PUM1: variants seen among roughly 807,000 people sequenced by gnomAD.
PUM1 encodes the protein pumilio RNA binding family member 1.
PUM1 carries 13 observed loss-of-function variants against 131.8 expected under a neutral mutation model. That is an observed-to-expected ratio of 0.10 (90% CI 0.06 to 0.16). PUM1 has a LOEUF of 0.16. PUM1 is among the 10% of genes least tolerant of loss of function. The pLI, the probability that PUM1 is intolerant of heterozygous loss-of-function variation, is 1.00. For missense variants in PUM1, 961 were observed against 1,512.4 expected (o/e 0.64, Z 6.05); for synonymous variants, 509 against 556.5 (o/e 0.91, Z 1.20).
intron 5 of PUM1, among the ~76,000 whole-genome samples, chr1:30,996,679 C>A (rs188832288): frequency 7.9e-4 from 121 of 152,298 alleles, no homozygotes; most frequent in African/African-American, 2.8e-3. Context: ...AGAATAGAAT[C>A]TTTAAAGTAT....
chr1:31,023,924 CAAAAAA>C (rs11373685), intron 3 of PUM1, among the ~76,000 whole-genome samples: 1 of 82,146 alleles, frequency 1.2e-5, no homozygotes, highest in Non-Finnish European at 2.6e-5. Flanking sequence ...GACTCTGTCT[CAAAAAA>C]AAAAAAAAAA....
chr1:30,989,757 C>A (rs977738580), intron 7 of PUM1, among the ~76,000 whole-genome samples: 5 of 151,890 alleles, frequency 3.3e-5, no homozygotes, highest in Non-Finnish European at 4.4e-5. Context: ...CAATGACTAA[C>A]CTGAGAGCAA....
intron 2 of PUM1, chr1:31,050,904 G>A (rs1289866633): frequency 3.5e-5 from 9 of 256,004 alleles, no homozygotes; most frequent in South Asian, 8.9e-5. Flanking sequence ...GGAGCCACTC[G>A]CAAAAATTCA....
At chr1:31,017,435 G>A (rs756061107) in intron 3 of PUM1, among the ~76,000 whole-genome samples, 3 of 152,126 alleles carry the variant, frequency 2.0e-5, no homozygotes, top group Non-Finnish European at 2.9e-5. Context: ...TGTCCAACCC[G>A]CAGCCCAGAA....
intron 1 of PUM1, 66 bp from the exon 2 acceptor site, chr1:31,059,643 A>G (rs1644323891): frequency 6.7e-7 from 1 of 1,494,944 alleles, no homozygotes; most frequent in Non-Finnish European, 9.0e-7. Context: ...ACACTAAGAT[A>G]AAAACATGAA....
At chr1:30,974,582 A>G in intron 10 of PUM1, 69 bp downstream of exon 10, 1 of 1,432,032 alleles carries the variant, frequency 7.0e-7, no homozygotes, top group Non-Finnish European at 9.4e-7. Context: ...ATTAGGCGCA[A>G]TATTACCTAT....
intron 7 of PUM1, among the ~76,000 whole-genome samples, chr1:30,986,773 CTT>C (rs991386690): frequency 2.6e-5 from 4 of 152,184 alleles, no homozygotes; most frequent in African/African-American, 9.7e-5. Flanking sequence ...ACTAGTCACT[CTT>C]TGTCAGTTAC....
At chr1:30,986,596 G>A (rs1641570389) in intron 7 of PUM1, among the ~76,000 whole-genome samples, 1 of 151,744 alleles carries the variant, frequency 6.6e-6, no homozygotes, top group African/African-American at 2.4e-5. Flanking sequence ...CATTTCTTTG[G>A]CAGATGAAGA....
chr1:31,013,835 G>C (rs563382052), intron 3 of PUM1, among the ~76,000 whole-genome samples: 1 of 152,316 alleles, frequency 6.6e-6, no homozygotes, highest in African/African-American at 2.4e-5. Flanking sequence ...GTGAAATCAA[G>C]TGAGATAGTA....
At position 31,017,524 on chromosome 1, in the gene PUM1, CT is replaced by C. The variant is rs747554543; in HGVS notation, c.433-10423del. Reference sequence around the variant, plus strand: ...GATTTTATTTTGCGATTTTTTTCTTCTTTTTTTTTTTTAGTTCATCAGCTAT... The same window carrying C: ...GATTTTATTTTGCGATTTTTTTCTTCTTTTTTTTTTTAGTTCATCAGCTAT... On this transcript the variant is annotated intron_variant, in intron 3 of 21. Coordinates refer to ENST00000426105, the MANE Select transcript of PUM1 (RefSeq NM_001020658.2). 7.9e-3 allele frequency among the ~76,000 whole-genome samples: 1,148 copies of C among 144,416 alleles called. 3 individuals carry two copies. Among genetic ancestry groups the C allele is most frequent in the East Asian group, 0.033 (164 of 5,028 alleles). The allele number at this position is 144,416 out of a possible 152,430, so 94.7% of individuals were successfully genotyped here.
At chr1:31,059,128 T>C (rs1644315285) in intron 2 of PUM1, 76 bp downstream of exon 2, 2 of 1,475,256 alleles carry the variant, frequency 1.4e-6, no homozygotes, top group South Asian at 2.7e-5. Flanking sequence ...TTAAAGACAT[T>C]CATTGAAAGC....
chr1:30,979,751 G>A (rs1641284898), intron 9 of PUM1, among the ~76,000 whole-genome samples: 1 of 152,158 alleles, frequency 6.6e-6, no homozygotes, highest in Non-Finnish European at 1.5e-5. Flanking sequence ...TGAACTATAT[G>A]ATAGACTAGA....
chr1:30,952,567 A>C (rs921552773), intron 15 of PUM1, among the ~76,000 whole-genome samples: 26 of 151,934 alleles, frequency 1.7e-4, no homozygotes, highest in African/African-American at 6.3e-4. Flanking sequence ...AGAAGGTCCT[A>C]ACTTAATTGA....
At chr1:31,050,922 T>C in intron 2 of PUM1, 1 of 261,436 alleles carries the variant, frequency 3.8e-6, no homozygotes, top group Non-Finnish European at 8.2e-6. Context: ...TCAGCCAGGG[T>C]TCTCTCTCTT....
intron 2 of PUM1, among the ~76,000 whole-genome samples, chr1:31,039,727 C>G (rs1643759247): frequency 6.6e-6 from 1 of 151,544 alleles, no homozygotes; most frequent in African/African-American, 2.4e-5. Context: ...ATGGTAAAAC[C>G]CCGTCTCTAC....
chr1:30,953,166 TAAG>T (rs1640019428), intron 15 of PUM1, among the ~76,000 whole-genome samples: 1 of 152,032 alleles, frequency 6.6e-6, no homozygotes, highest in African/African-American at 2.4e-5. Flanking sequence ...TGGCAGAACT[TAAG>T]GAGGAGGTAG....
At chr1:31,063,723 AAAG>A (rs1485146212) in intron 1 of PUM1, among the ~76,000 whole-genome samples, 1 of 152,218 alleles carries the variant, frequency 6.6e-6, no homozygotes, top group African/African-American at 2.4e-5. Context: ...GGAATGGGGG[AAAG>A]AAAAGACTCC....
intron 3 of PUM1, among the ~76,000 whole-genome samples, chr1:31,007,987 T>C (rs1642455985): frequency 6.6e-6 from 1 of 152,240 alleles, no homozygotes; most frequent in African/African-American, 2.4e-5. Flanking sequence ...CCCCCTCTTA[T>C]TTCCTCTAAT....
chr1:31,019,417 C>T (rs1268308709), intron 3 of PUM1, among the ~76,000 whole-genome samples: 2 of 152,322 alleles, frequency 1.3e-5, no homozygotes, highest in East Asian at 3.9e-4. Context: ...GAATTGCAAA[C>T]TTGATGACTA....
Sources: allele counts gnomAD v4.1 joint callset (sites outside exome capture counted in the v4.1 genomes callset), GRCh38; gene constraint gnomAD v4.1.1; transcripts MANE v1.5; gene names NCBI Gene and HGNC (gene_info 2026-07-23, HGNC 2026-07-21).